The following PARD3B variants were observed in gnomAD, a reference collection of about 807,000 sequenced individuals.
The protein encoded by PARD3B is partitioning defective 3 homolog B.
Under a neutral mutation model 130.2 loss-of-function variants are expected in PARD3B, and 103 were observed. That is an observed-to-expected ratio of 0.79 (90% CI 0.67 to 0.93). The LOEUF (loss-of-function observed/expected upper bound fraction) is 0.93, where lower values mean the gene tolerates loss of function less well. Ranked by LOEUF, PARD3B falls within the 40% of genes least tolerant of loss-of-function variation. The pLI, the probability that PARD3B is intolerant of heterozygous loss-of-function variation, is 0.00. For synonymous variants in PARD3B, 583 were observed against 553.2 expected, an observed-to-expected ratio of 1.05 and a Z score of -0.76; for missense variants, 1,609 against 1,499.2, an observed-to-expected ratio of 1.07 and a Z score of -1.21.
chr2:205,273,679 G>A (rs2040828986), intron 16 of PARD3B, among the ~76,000 whole-genome samples: 2 of 152,192 alleles, frequency 1.3e-5, no homozygotes, highest in Non-Finnish European at 2.9e-5. Flanking sequence ...TGAGTTTACA[G>A]TATGGAAGAC....
chr2:205,079,102 T>C (rs1056116916), intron 4 of PARD3B, among the ~76,000 whole-genome samples: 1 of 152,250 alleles, frequency 6.6e-6, no homozygotes, highest in African/African-American at 2.4e-5. Flanking sequence ...GAATACATAT[T>C]GCTTTATACC....
intron 2 of PARD3B, among the ~76,000 whole-genome samples, chr2:204,857,188 CT>C (rs2044984149): frequency 1.3e-5 from 2 of 152,154 alleles, no homozygotes; most frequent in African/African-American, 2.4e-5. Context: ...CTTTGAGCAT[CT>C]TTTTTCAACT....
chr2:204,913,061 C>G (rs1435310858), intron 2 of PARD3B, among the ~76,000 whole-genome samples: 2 of 152,152 alleles, frequency 1.3e-5, no homozygotes, highest in African/African-American at 4.8e-5. Flanking sequence ...TTAACTTTCT[C>G]AAAATAATAT....
intron 21 of PARD3B, among the ~76,000 whole-genome samples, chr2:205,552,241 C>G (rs1284951483): frequency 6.6e-6 from 1 of 151,850 alleles, no homozygotes; most frequent in Non-Finnish European, 1.5e-5. Context: ...AAGACCAACA[C>G]TAGATAGAAA....
At chr2:204,944,090 A>G (rs539007090) in intron 2 of PARD3B, among the ~76,000 whole-genome samples, 2 of 152,370 alleles carry the variant, frequency 1.3e-5, no homozygotes, top group Admixed American at 1.3e-4. Flanking sequence ...TCCAGAAAGA[A>G]TGAAAGAAAC....
chr2:205,142,418 A>G lies in PARD3B; in HGVS notation c.1435-16304A>G, dbSNP rs766938514. ...GCTTTTGGGAGGGAACTTAAATACAATTTCAAAGAGGTATTGTGGCAGAGA... is the reference window on the plus strand; with the variant it reads ...GCTTTTGGGAGGGAACTTAAATACAGTTTCAAAGAGGTATTGTGGCAGAGA... On this transcript the variant is annotated intron_variant, in intron 10 of 22. Transcript: ENST00000406610. This position sits in a 1 kb window ranked among gnomAD's most constrained non-coding sequence, Gnocchi z 4.3. Among the ~76,000 whole-genome samples the G allele has an allele frequency of 6.6e-6, 1 of 152,194 alleles. No homozygotes were observed. The highest frequency in any genetic ancestry group is 2.4e-5 in the African/African-American group (1 of 41,442).
intron 2 of PARD3B, among the ~76,000 whole-genome samples, chr2:204,700,578 T>A (rs745445985): frequency 6.6e-6 from 1 of 152,116 alleles, no homozygotes; most frequent in African/African-American, 2.4e-5. Flanking sequence ...TTTTATAGTA[T>A]CTCTTCACTG....
intron 18 of PARD3B, among the ~76,000 whole-genome samples, chr2:205,391,017 C>A (rs1401532104): frequency 6.6e-6 from 1 of 152,196 alleles, no homozygotes; most frequent in Non-Finnish European, 1.5e-5. Context: ...ATGGTAACTT[C>A]AGAGCTGTTT....
intron 1 of PARD3B, among the ~76,000 whole-genome samples, chr2:204,641,258 A>G (rs1371762305): frequency 6.6e-6 from 1 of 150,684 alleles, no homozygotes; most frequent in Admixed American, 6.6e-5. Flanking sequence ...ACATAAATAC[A>G]TATGTGGATG....
intron 16 of PARD3B, among the ~76,000 whole-genome samples, chr2:205,254,764 A>G (rs1371862293): frequency 6.6e-6 from 1 of 150,538 alleles, no homozygotes; most frequent in South Asian, 2.1e-4. Context: ...CCCGGGGTTC[A>G]CGCCATTCTC....
chr2:204,792,563 A>G (rs1434975431), intron 2 of PARD3B, among the ~76,000 whole-genome samples: 1 of 152,126 alleles, frequency 6.6e-6, no homozygotes, highest in Non-Finnish European at 1.5e-5. Flanking sequence ...TAATAGCTAG[A>G]GAAACTGAAG....
intron 21 of PARD3B, among the ~76,000 whole-genome samples, chr2:205,543,366 A>G (rs1374054222): frequency 1.3e-5 from 2 of 152,252 alleles, no homozygotes; most frequent in African/African-American, 4.8e-5. Context: ...TAAGAAATAA[A>G]TATTACTAGG....
At position 205,265,156 on chromosome 2, in the gene PARD3B, A is replaced by G. The variant is rs189657581; in HGVS notation, c.2185+19334A>G. Among the ~76,000 whole-genome samples, 28 of 152,166 alleles carry G rather than the reference A, an allele frequency of 1.8e-4. 1 individual carries two copies. Among genetic ancestry groups the G allele is most frequent in the African/African-American group, 6.7e-4 (28 of 41,554 alleles). ...CAAGAATGGTAATCGGTTCTGTTCT[A>G]TTAGCCTCAGTGGTGTGAACATAGA... On this transcript the variant is annotated intron_variant, in intron 16 of 22. Coordinates refer to ENST00000406610, the MANE Select transcript of PARD3B (RefSeq NM_001302769.2). This position sits in a 1 kb window ranked among gnomAD's most constrained non-coding sequence, Gnocchi z 4.3.
At chr2:205,532,804 T>C (rs1266664379) in intron 21 of PARD3B, among the ~76,000 whole-genome samples, 1 of 152,160 alleles carries the variant, frequency 6.6e-6, no homozygotes, top group Non-Finnish European at 1.5e-5. Flanking sequence ...AAAAGTGTGA[T>C]AGACCAGGAC....
chr2:205,528,227 C>G lies in PARD3B; in HGVS notation c.3181-25097C>G, dbSNP rs570403104. ...CCCTCTCCCTGTCAGCACTTCCAGT[C>G]TACACCAGGAAGTAAAACTTAACCA... On this transcript the variant is annotated intron_variant, in intron 21 of 22. Transcript: ENST00000406610. Among the ~76,000 whole-genome samples the G allele has an allele frequency of 3.3e-5, 5 of 152,292 alleles. No individual in the cohort carries two copies. The South Asian group carries it at 1.0e-3, about 32-fold the overall frequency.
intron 4 of PARD3B, among the ~76,000 whole-genome samples, chr2:205,058,148 A>T (rs1425244991): frequency 6.6e-6 from 1 of 151,862 alleles, no homozygotes; most frequent in Non-Finnish European, 1.5e-5. Context: ...GCCTTATACA[A>T]GTAGAATCAT....
chr2:205,180,364 T>C (rs543240950), intron 13 of PARD3B, among the ~76,000 whole-genome samples: 2 of 152,102 alleles, frequency 1.3e-5, no homozygotes, highest in South Asian at 2.1e-4. Flanking sequence ...ATCATGGCCA[T>C]CACGTCTTTG....
intron 2 of PARD3B, among the ~76,000 whole-genome samples, chr2:204,913,696 T>A (rs2125731148): frequency 6.6e-6 from 1 of 152,330 alleles, no homozygotes; most frequent in African/African-American, 2.4e-5. Flanking sequence ...GCTGTTTGTG[T>A]CTAGTTTAAG....
intron 3 of PARD3B, among the ~76,000 whole-genome samples, chr2:204,996,974 A>G (rs528241347): frequency 6.6e-6 from 1 of 151,876 alleles, no homozygotes; most frequent in East Asian, 2.0e-4. Context: ...GCCTGCGCCC[A>G]CTGTCTGGCA....
Sources: allele counts gnomAD v4.1 joint callset (sites outside exome capture counted in the v4.1 genomes callset), GRCh38; gene constraint gnomAD v4.1.1; non-coding constraint Gnocchi (gnomAD v3.1); transcripts MANE v1.5; gene names NCBI Gene and HGNC (gene_info 2026-07-23, HGNC 2026-07-21).